CFAP58: variants seen among roughly 807,000 people sequenced by gnomAD.
The protein encoded by CFAP58 is cilia and flagella associated protein 58.
A neutral mutation model predicts 119.5 loss-of-function variants in CFAP58; 88 were observed. The ratio of observed to expected loss-of-function variants is 0.74; its 90% CI spans 0.62 to 0.88. CFAP58 has a LOEUF of 0.88. Ranked by LOEUF, CFAP58 falls within the 40% of genes least tolerant of loss-of-function variation. The probability of loss-of-function intolerance (pLI) is 0.00; values close to 1 mark genes in which losing one functional copy is unlikely to be tolerated. For missense variants in CFAP58, 990 were observed against 1,021.2 expected (o/e 0.97, Z 0.42); for synonymous variants, 365 against 366.3 (o/e 1.00, Z 0.04).
chr10:104,451,638 A>T (rs2013196682), intron 17 of CFAP58, among the ~76,000 whole-genome samples: 1 of 152,230 alleles, frequency 6.6e-6, no homozygotes, highest in South Asian at 2.1e-4. Flanking sequence ...CTTTTAGGAT[A>T]TCAAGGTTGT....
intron 15 of CFAP58, among the ~76,000 whole-genome samples, chr10:104,424,244 T>C (rs977881499): frequency 3.3e-5 from 5 of 152,232 alleles, no homozygotes; most frequent in African/African-American, 1.2e-4. Flanking sequence ...CACAGTCTTC[T>C]CTGGAGCCGG....
upstream of CFAP58, chr10:104,353,441 C>T (rs2014491342): frequency 6.2e-6 from 1 of 162,442 alleles, no homozygotes; most frequent in African/African-American, 2.4e-5. Flanking sequence ...TCATCCGGAA[C>T]CTTCTGGTCC....
At chr10:104,420,641 A>G (rs2012640407) in intron 15 of CFAP58, among the ~76,000 whole-genome samples, 1 of 152,180 alleles carries the variant, frequency 6.6e-6, no homozygotes, top group Non-Finnish European at 1.5e-5. Flanking sequence ...CAACTAAAAT[A>G]AAAGTTAAAA....
At chr10:104,345,564 A>G in the CFAP58 span, among the ~76,000 whole-genome samples, 1 of 152,090 alleles carries the variant, frequency 6.6e-6, no homozygotes, top group Admixed American at 6.5e-5. Context: ...AGTGTCTCCT[A>G]TGGGGCAGCA....
chr10:104,403,749 A>G lies in CFAP58; in HGVS notation c.2060A>G (p.Gln687Arg). ...TTCAGACAGGAGTTTTTTCACATGC[A>G]AAGAGAATTGTTGAAGGAGAGGACA... Reference protein sequence around the residue: ...EELRQEFFHMQRELLKERTRC... With the variant: ...EELRQEFFHMRRELLKERTRC... The change falls in exon 14 of 18, where the codon CAA becomes CGA. Residue 687 changes from glutamine to arginine, a missense_variant. Transcript: ENST00000369704. 3.1e-6 allele frequency: 5 copies of G among 1,611,036 alleles called. No homozygotes were observed. Among genetic ancestry groups the G allele is most frequent in the South Asian group, 2.2e-5 (2 of 90,392 alleles).
At chr10:104,434,203 A>G (rs1056897619) in intron 15 of CFAP58, among the ~76,000 whole-genome samples, 1 of 152,244 alleles carries the variant, frequency 6.6e-6, no homozygotes, top group Non-Finnish European at 1.5e-5. Context: ...TGCTAAATAA[A>G]TGTTAGCTAT....
rs77465177 is a variant in CFAP58 at position 104,435,997 on chromosome 10, C to T, written c.2257-11701C>T. On this transcript the variant is annotated intron_variant, in intron 15 of 17. Transcript: ENST00000369704. ...GACGTGCCAGAGTCATTTCCGACTC[C>T]TCCCACCCATGTTCCAGGCAGTCAC... Among the ~76,000 whole-genome samples, 815 of 152,220 alleles carry T rather than the reference C, an allele frequency of 5.4e-3. 7 individuals carry two copies. The highest frequency in any genetic ancestry group is 0.017 in the African/African-American group (722 of 41,536).
At chr10:104,391,914 C>T (rs1227247378) in intron 9 of CFAP58, among the ~76,000 whole-genome samples, 2 of 151,892 alleles carry the variant, frequency 1.3e-5, no homozygotes, top group Admixed American at 6.6e-5. Flanking sequence ...ATTTTTTTTC[C>T]CTTTTTTGGG....
rs773060593 is a variant in CFAP58, at chr10:104,450,081, C to CAGAAT, written c.2388_2392dup (p.Leu798Ter). ...TATTTGCCATGTTAGGTTTTGTCTT[C>CAGAAT]AGAATTGAATATGTATGAAGTACAG... On this transcript the variant is annotated frameshift_variant, in exon 17 of 18. Transcript: ENST00000369704. LOFTEE classifies it high-confidence loss of function. 2.5e-6 allele frequency: 4 copies of CAGAAT among 1,594,100 alleles called. No homozygotes were observed. The African/African-American group carries it at 4.1e-5, about 16-fold the overall frequency.
At chr10:104,433,993 A>G (rs1018383058) in intron 15 of CFAP58, among the ~76,000 whole-genome samples, 1 of 152,036 alleles carries the variant, frequency 6.6e-6, no homozygotes, top group Admixed American at 6.5e-5. Context: ...TTTGCAAACT[A>G]TTGGAAGAAG....
At chr10:104,441,777 G>T (rs1046731730) in intron 15 of CFAP58, among the ~76,000 whole-genome samples, 1 of 152,150 alleles carries the variant, frequency 6.6e-6, no homozygotes, top group Non-Finnish European at 1.5e-5. Context: ...TAAGGAACTC[G>T]GCTGTGTAAT....
intron 15 of CFAP58, among the ~76,000 whole-genome samples, chr10:104,437,555 A>G (rs902614086): frequency 5.3e-5 from 8 of 152,250 alleles, no homozygotes; most frequent in Admixed American, 2.6e-4. Context: ...TTTGCAAAAG[A>G]TGTTAGATAC....
At chr10:104,376,418 T>A (rs1589914053) in intron 7 of CFAP58, among the ~76,000 whole-genome samples, 1 of 139,548 alleles carries the variant, frequency 7.2e-6, no homozygotes, top group Non-Finnish European at 1.5e-5. Context: ...GGCAGGAAAA[T>A]CCCTTGAACC....
intron 15 of CFAP58, among the ~76,000 whole-genome samples, chr10:104,429,962 G>T (rs1458340778): frequency 1.3e-5 from 2 of 152,100 alleles, no homozygotes; most frequent in Non-Finnish European, 1.5e-5. Context: ...TCGGGGAGGG[G>T]TCTGCACCTG....
chr10:104,423,544 G>GTT (rs33943621), intron 15 of CFAP58, among the ~76,000 whole-genome samples: 1,835 of 146,038 alleles, frequency 0.013, 20 homozygotes, highest in East Asian at 0.072. Flanking sequence ...TTAAACAGGA[G>GTT]TTTTTTTTTT....
At chr10:104,416,546 A>G (rs2012557609) in intron 15 of CFAP58, among the ~76,000 whole-genome samples, 1 of 152,192 alleles carries the variant, frequency 6.6e-6, no homozygotes, top group Non-Finnish European at 1.5e-5. Context: ...GATCTGCACG[A>G]GTTATTAGCT....
intron 15 of CFAP58, among the ~76,000 whole-genome samples, chr10:104,436,132 T>A (rs1304328238): frequency 1.3e-5 from 2 of 152,224 alleles, no homozygotes; most frequent in African/African-American, 4.8e-5. Flanking sequence ...GCCAGTTCTC[T>A]GAAGTGGAAC....
intron 11 of CFAP58, among the ~76,000 whole-genome samples, chr10:104,398,235 C>T (rs1420131673): frequency 6.6e-6 from 1 of 152,234 alleles, no homozygotes; most frequent in Non-Finnish European, 1.5e-5. Flanking sequence ...TATCCATCAT[C>T]TTCAATGGAT....
chr10:104,375,992 T>A (rs758747123), intron 7 of CFAP58, among the ~76,000 whole-genome samples: 43 of 152,110 alleles, frequency 2.8e-4, no homozygotes, highest in Non-Finnish European at 5.9e-4. Context: ...TTATTGGACC[T>A]AAAAGGGTAC....
Sources: allele counts gnomAD v4.1 joint callset (sites outside exome capture counted in the v4.1 genomes callset), GRCh38; gene constraint gnomAD v4.1.1; transcripts MANE v1.5; gene names NCBI Gene and HGNC (gene_info 2026-07-23, HGNC 2026-07-21).